EPHA6: variants seen among roughly 807,000 people sequenced by gnomAD.
EPHA6 encodes EPH receptor A6.
In EPHA6, 50 loss-of-function variants were observed where a neutral mutation model predicts 112.0. That is an observed-to-expected ratio of 0.45 (90% CI 0.36 to 0.56). The LOEUF (loss-of-function observed/expected upper bound fraction) is 0.56. Among genes scored for constraint, EPHA6 ranks in the 20% least tolerant of loss-of-function variants. The pLI is 0.00. For missense variants in EPHA6, 1,280 were observed against 1,417.4 expected, an observed-to-expected ratio of 0.90 and a Z score of 1.56; for synonymous variants, 529 against 490.7, an observed-to-expected ratio of 1.08 and a Z score of -1.03.
At chr3:97,546,007 G>T (rs182274311) in intron 11 of EPHA6, among the ~76,000 whole-genome samples, 1 of 152,160 alleles carries the variant, frequency 6.6e-6, no homozygotes, top group Non-Finnish European at 1.5e-5. Context: ...GATGGGTCTT[G>T]ACTCTTTATC....
chr3:97,028,972 C>T (rs1359270490), intron 3 of EPHA6, among the ~76,000 whole-genome samples: 5 of 151,232 alleles, frequency 3.3e-5, no homozygotes, highest in Middle Eastern at 5.3e-3. Context: ...ATAATAGCTT[C>T]AAACATTTAT....
At chr3:96,856,841 C>T (rs1244944937) in intron 1 of EPHA6, among the ~76,000 whole-genome samples, 1 of 151,978 alleles carries the variant, frequency 6.6e-6, no homozygotes, top group African/African-American at 2.4e-5. Context: ...AGGAGGTTCC[C>T]TGGGGAGACA....
At chr3:97,605,258 G>A (rs555121694) in intron 12 of EPHA6, among the ~76,000 whole-genome samples, 39 of 151,630 alleles carry the variant, frequency 2.6e-4, no homozygotes, top group South Asian at 8.3e-4. Flanking sequence ...GAAGGTGCAA[G>A]TAAAGTAATA....
intron 1 of EPHA6, among the ~76,000 whole-genome samples, chr3:96,826,286 A>C (rs548877363): frequency 2.2e-4 from 33 of 152,124 alleles, no homozygotes; most frequent in Non-Finnish European, 4.7e-4. Flanking sequence ...AAGTTTTGAT[A>C]CCTTAATTCT....
intron 3 of EPHA6, among the ~76,000 whole-genome samples, chr3:97,045,877 A>AT (rs2045487945): frequency 6.6e-6 from 1 of 151,874 alleles, no homozygotes; most frequent in Non-Finnish European, 1.5e-5. Flanking sequence ...TATTTATTTC[A>AT]TTTTCACAAT....
intron 7 of EPHA6, among the ~76,000 whole-genome samples, chr3:97,454,957 A>G (rs1178505915): frequency 2.0e-5 from 3 of 151,982 alleles, no homozygotes; most frequent in Non-Finnish European, 2.9e-5. Context: ...ATTCCAGTAT[A>G]TAAGACTTTA....
chr3:97,493,475 G>A (rs549665094), intron 10 of EPHA6, among the ~76,000 whole-genome samples: 9 of 152,084 alleles, frequency 5.9e-5, no homozygotes, highest in Non-Finnish European at 1.2e-4. Context: ...CTTCCTCTTC[G>A]TATAAGATCA....
chr3:97,414,965 G>T (rs781702556), intron 6 of EPHA6, among the ~76,000 whole-genome samples: 5 of 151,892 alleles, frequency 3.3e-5, no homozygotes, highest in African/African-American at 7.3e-5. Context: ...TATTAAAATG[G>T]CCTGGAGAGC....
chr3:96,901,241 TTAAATTAA>T (rs1336111444), intron 2 of EPHA6, among the ~76,000 whole-genome samples: 1 of 152,036 alleles, frequency 6.6e-6, no homozygotes, highest in Non-Finnish European at 1.5e-5. Flanking sequence ...CATGGGTACC[TTAAATTAA>T]CATGGATAAA....
chr3:97,478,447 C>A (rs1038649705), intron 8 of EPHA6, among the ~76,000 whole-genome samples: 1 of 151,994 alleles, frequency 6.6e-6, no homozygotes. Context: ...TATACCACTT[C>A]AAAGGAGAAT....
At chr3:97,173,482 A>G (rs111879185) in intron 3 of EPHA6, among the ~76,000 whole-genome samples, 5 of 151,878 alleles carry the variant, frequency 3.3e-5, no homozygotes, top group African/African-American at 1.2e-4. Context: ...GTCCTAAAAT[A>G]TGCCAGGATA....
intron 14 of EPHA6, among the ~76,000 whole-genome samples, chr3:97,666,737 A>T (rs1184839514): frequency 6.6e-6 from 1 of 152,212 alleles, no homozygotes; most frequent in Non-Finnish European, 1.5e-5. Context: ...CTAAGAGTTA[A>T]GGACTTTAAC....
intron 11 of EPHA6, among the ~76,000 whole-genome samples, chr3:97,573,206 A>G (rs1420005455): frequency 6.6e-6 from 1 of 152,184 alleles, no homozygotes; most frequent in African/African-American, 2.4e-5. Flanking sequence ...TTGTTGGATT[A>G]TTTAAAGTAT....
At chr3:97,030,787 G>A (rs2044802172) in intron 3 of EPHA6, among the ~76,000 whole-genome samples, 1 of 151,968 alleles carries the variant, frequency 6.6e-6, no homozygotes. Flanking sequence ...TATCTACTAT[G>A]AATATGATGT....
intron 6 of EPHA6, among the ~76,000 whole-genome samples, chr3:97,433,826 C>T (rs1334689717): frequency 2.0e-5 from 3 of 152,066 alleles, no homozygotes; most frequent in Non-Finnish European, 2.9e-5. Context: ...CCGTTCCACC[C>T]TCTAACACAG....
intron 3 of EPHA6, among the ~76,000 whole-genome samples, chr3:97,134,110 C>T (rs2075709795): frequency 6.6e-6 from 1 of 151,504 alleles, no homozygotes; most frequent in South Asian, 2.1e-4. Flanking sequence ...CAGTTAAAAA[C>T]AAATGAAGAG....
intron 5 of EPHA6, among the ~76,000 whole-genome samples, chr3:97,388,224 A>T (rs1374719516): frequency 6.6e-6 from 1 of 152,182 alleles, no homozygotes; most frequent in Non-Finnish European, 1.5e-5. Context: ...TCTCATTAAA[A>T]CTTCAGAGAC....
At chr3:97,495,108 G>A (rs2091942868) in intron 10 of EPHA6, among the ~76,000 whole-genome samples, 1 of 152,080 alleles carries the variant, frequency 6.6e-6, no homozygotes, top group South Asian at 2.1e-4. Flanking sequence ...ACGCGCTGTT[G>A]GCATAGGGAG....
chr3:96,846,442 A>C (rs112043075), intron 1 of EPHA6, among the ~76,000 whole-genome samples: 19 of 152,086 alleles, frequency 1.2e-4, no homozygotes, highest in African/African-American at 4.6e-4. Flanking sequence ...GATATCCCAA[A>C]TAACACTAAA....
Sources: gnomAD v4.1 joint callset for allele counts (sites outside exome capture counted in the v4.1 genomes callset) on GRCh38, gnomAD v4.1.1 for gene constraint, MANE v1.5 for transcripts, NCBI Gene and HGNC (gene_info 2026-07-23, HGNC 2026-07-21) for gene names.